Variants in ANK3 observed in about 807,000 individuals in gnomAD.
ANK3 encodes ankyrin-3.
Under a neutral mutation model 370.9 loss-of-function variants are expected in ANK3, and 57 were observed. The observed-to-expected ratio is 0.15, with a 90% CI of 0.12 to 0.19. The LOEUF is 0.19. Among genes scored for constraint, ANK3 ranks in the 10% least tolerant of loss-of-function variants. The pLI, the probability that ANK3 is intolerant of heterozygous loss-of-function variation, is 1.00. For synonymous variants in ANK3, 1,929 were observed against 1,946.3 expected (o/e 0.99, Z 0.23); for missense variants, 4,439 against 5,302.1 (o/e 0.84, Z 5.06).
At chr10:60,557,240 C>T (rs1161163419) in intron 2 of ANK3, among the ~76,000 whole-genome samples, 1 of 152,048 alleles carries the variant, frequency 6.6e-6, no homozygotes, top group Non-Finnish European at 1.5e-5. Flanking sequence ...ATAGAAACAA[C>T]CCAAATGTCC....
At chr10:60,499,150 C>T (rs1274466280) in intron 2 of ANK3, among the ~76,000 whole-genome samples, 1 of 152,112 alleles carries the variant, frequency 6.6e-6, no homozygotes, top group African/African-American at 2.4e-5. Flanking sequence ...GTTCTAGTAG[C>T]CTCAATATGT....
In ANK3 at chr10:60,299,474, TTTAAA is replaced by T. The variant is rs2043230296; in HGVS notation, c.115-19840_115-19836del. 2.6e-5 allele frequency among the ~76,000 whole-genome samples: 4 copies of T among 152,182 alleles called. No homozygotes were observed. In the South Asian group the frequency reaches 6.2e-4, roughly 24 times the overall value. On this transcript the variant is annotated intron_variant, in intron 1 of 43. Coordinates refer to ENST00000280772, the MANE Select transcript of ANK3 (RefSeq NM_020987.5). Reference sequence around the variant, plus strand: ...GTCATTATGACTATTTCACTAAATGTTTAAACACAATATTCAGGAATCTAAGGTGT... The same window carrying T: ...GTCATTATGACTATTTCACTAAATGTCACAATATTCAGGAATCTAAGGTGT...
intron 17 of ANK3, among the ~76,000 whole-genome samples, chr10:60,183,133 C>T (rs921537391): frequency 6.6e-6 from 1 of 152,210 alleles, no homozygotes; most frequent in Non-Finnish European, 1.5e-5. Flanking sequence ...GATGGAGTCA[C>T]TTCAGGCTTC....
chr10:60,473,991 A>G (rs1263822450), intron 2 of ANK3, among the ~76,000 whole-genome samples: 1 of 145,066 alleles, frequency 6.9e-6, no homozygotes, highest in Admixed American at 7.1e-5. Flanking sequence ...AAAAAAGCCA[A>G]GCATGGTGGT....
At chr10:60,275,384 A>G (rs1309294257) in intron 4 of ANK3, among the ~76,000 whole-genome samples, 1 of 152,192 alleles carries the variant, frequency 6.6e-6, no homozygotes, top group East Asian at 1.9e-4. Context: ...AAATGAAATA[A>G]TAAGTATTCC....
chr10:60,627,029 G>A (rs1042207176), intron 1 of ANK3, among the ~76,000 whole-genome samples: 1 of 152,098 alleles, frequency 6.6e-6, no homozygotes, highest in African/African-American at 2.4e-5. Flanking sequence ...CTTGGGATTT[G>A]CCATATTTAG....
At chr10:60,312,274 G>A (rs1487809949) in intron 1 of ANK3, among the ~76,000 whole-genome samples, 2 of 152,026 alleles carry the variant, frequency 1.3e-5, no homozygotes, top group Non-Finnish European at 2.9e-5. Flanking sequence ...GTGCTGGGCT[G>A]GGTGCCTGAA....
intron 1 of ANK3, among the ~76,000 whole-genome samples, chr10:60,385,714 G>A (rs771158042): frequency 2.0e-5 from 3 of 152,144 alleles, no homozygotes; most frequent in Non-Finnish European, 2.9e-5. Context: ...TCAGGCGCAT[G>A]TATAGAGAGA....
At chr10:60,300,202 A>G in intron 1 of ANK3, 1 of 512,780 alleles carries the variant, frequency 2.0e-6, no homozygotes. Context: ...CGTAGTGCAA[A>G]CAGGTTAATT....
chr10:60,650,661 T>C (rs1168139180), intron 1 of ANK3, among the ~76,000 whole-genome samples: 2 of 152,184 alleles, frequency 1.3e-5, no homozygotes, highest in African/African-American at 4.8e-5. Context: ...GAGACTGCTT[T>C]GTAGACCAGA....
intron 23 of ANK3, chr10:60,140,183 C>G: frequency 1.5e-6 from 1 of 676,940 alleles, no homozygotes; most frequent in Non-Finnish European, 2.5e-6. Flanking sequence ...TAAAAATACA[C>G]TGTCAACTAC....
chr10:60,158,384 A>G (rs1234500681), intron 23 of ANK3, among the ~76,000 whole-genome samples: 1 of 152,242 alleles, frequency 6.6e-6, no homozygotes, highest in Non-Finnish European at 1.5e-5. Context: ...AGGAAGACAA[A>G]AAGAGAAACC....
chr10:60,615,087 C>T, intron 2 of ANK3: 1 of 741,094 alleles, frequency 1.3e-6, no homozygotes, highest in Non-Finnish European at 2.0e-6. Flanking sequence ...AGGACCATCT[C>T]CTGTAAATAA....
At chr10:60,267,026 A>G (rs971848635) in intron 5 of ANK3, among the ~76,000 whole-genome samples, 1 of 152,234 alleles carries the variant, frequency 6.6e-6, no homozygotes, top group African/African-American at 2.4e-5. Flanking sequence ...ACAGTAATAC[A>G]AAAACGTTTT....
At chr10:60,498,046 C>T (rs1185645121) in intron 2 of ANK3, among the ~76,000 whole-genome samples, 2 of 152,166 alleles carry the variant, frequency 1.3e-5, no homozygotes, top group African/African-American at 2.4e-5. Context: ...ATCTCTATCT[C>T]CAAATTGCCT....
chr10:60,240,306 A>ATATTTTTTTT lies in ANK3; in HGVS notation c.799-5521_799-5520insAAAAAAAATA, dbSNP rs11282162. Among the ~76,000 whole-genome samples the ATATTTTTTTT allele has an allele frequency of 2.1e-4, 25 of 119,750 alleles. 1 individual carries two copies. Among genetic ancestry groups the ATATTTTTTTT allele is most frequent in the South Asian group, 7.7e-4 (3 of 3,902 alleles). 78.6% of individuals were successfully genotyped at this position (119,750 alleles called of 152,430 possible). On this transcript the variant is annotated intron_variant, in intron 7 of 43. Coordinates refer to ENST00000280772, the MANE Select transcript of ANK3 (RefSeq NM_020987.5). ...CATATATATATATATATATATATAT[A>ATATTTTTTTT]TTTTTTTTTCTTTTTGAGATAGAGT...
chr10:60,440,874 T>C (rs1032244824), intron 2 of ANK3, among the ~76,000 whole-genome samples: 51 of 152,290 alleles, frequency 3.3e-4, no homozygotes, highest in Non-Finnish European at 4.4e-5. Context: ...GCCTCAACAA[T>C]TGGAACTAAC....
chr10:60,452,513 G>A (rs916768565), intron 2 of ANK3, among the ~76,000 whole-genome samples: 2 of 152,126 alleles, frequency 1.3e-5, no homozygotes, highest in Non-Finnish European at 2.9e-5. Context: ...TAGAGAACCC[G>A]TCTTCCTCCC....
At chr10:60,215,562 C>G (rs2096924101) in intron 8 of ANK3, among the ~76,000 whole-genome samples, 1 of 152,136 alleles carries the variant, frequency 6.6e-6, no homozygotes, top group South Asian at 2.1e-4. Flanking sequence ...GGTCCAATTT[C>G]AGTTTTCTGC....
Sources: allele counts gnomAD v4.1 joint callset (sites outside exome capture counted in the v4.1 genomes callset), GRCh38; gene constraint gnomAD v4.1.1; transcripts MANE v1.5; gene names NCBI Gene and HGNC (gene_info 2026-07-23, HGNC 2026-07-21).